Variants in GALNT13 observed in about 807,000 individuals in gnomAD.
GALNT13 encodes the protein polypeptide N-acetylgalactosaminyltransferase 13.
Under a neutral mutation model 64.2 loss-of-function variants are expected in GALNT13, and 28 were observed. The observed-to-expected ratio is 0.44, with a 90% CI of 0.32 to 0.60. The LOEUF (loss-of-function observed/expected upper bound fraction) is 0.60, where lower values mean the gene tolerates loss of function less well. Ranked by LOEUF, GALNT13 falls within the 20% of genes least tolerant of loss-of-function variation. The pLI is 0.05. For missense variants in GALNT13, 577 were observed against 669.8 expected (o/e 0.86, Z 1.53); for synonymous variants, 214 against 224.6 (o/e 0.95, Z 0.42).
chr2:154,125,908 T>G (rs976196816), intron 3 of GALNT13, among the ~76,000 whole-genome samples: 26 of 152,330 alleles, frequency 1.7e-4, no homozygotes, highest in African/African-American at 6.3e-4. Context: ...TGCCTTCATT[T>G]AATGACCTCA....
At chr2:153,652,834 T>A in the GALNT13 span, among the ~76,000 whole-genome samples, 1 of 152,184 alleles carries the variant, frequency 6.6e-6, no homozygotes, top group South Asian at 2.1e-4. Flanking sequence ...TTCAGATTAA[T>A]ACTAAATTAT....
the GALNT13 span, among the ~76,000 whole-genome samples, chr2:153,633,030 G>A: frequency 6.6e-6 from 1 of 151,952 alleles, no homozygotes; most frequent in Non-Finnish European, 1.5e-5. Context: ...CAAAGTGCTG[G>A]GATTACAGGC....
chr2:154,024,646 C>A (rs1343115510), intron 3 of GALNT13, among the ~76,000 whole-genome samples: 1 of 152,098 alleles, frequency 6.6e-6, no homozygotes, highest in Non-Finnish European at 1.5e-5. Flanking sequence ...GAATTTCCTC[C>A]TGTAGCTCGG....
At chr2:153,669,576 A>G in the GALNT13 span, among the ~76,000 whole-genome samples, 1 of 152,220 alleles carries the variant, frequency 6.6e-6, no homozygotes, top group South Asian at 2.1e-4. Context: ...ATGGCCAAAT[A>G]GGAACAGCTC....
the GALNT13 span, among the ~76,000 whole-genome samples, chr2:153,380,696 C>A: frequency 1.3e-5 from 2 of 151,934 alleles, no homozygotes; most frequent in Non-Finnish European, 2.9e-5. Context: ...AACTGAAGGT[C>A]TTGAATCTCA....
chr2:154,042,052 AATTG>A (rs1413823099), intron 3 of GALNT13, among the ~76,000 whole-genome samples: 1 of 140,710 alleles, frequency 7.1e-6, no homozygotes, highest in African/African-American at 2.4e-5. Flanking sequence ...AATGTTTTAT[AATTG>A]ATTTATAAAA....
chr2:153,354,854 A>G, the GALNT13 span, among the ~76,000 whole-genome samples: 1 of 152,214 alleles, frequency 6.6e-6, no homozygotes. Context: ...TCAAGATGCC[A>G]AAAGGTTGTT....
intron 4 of GALNT13, among the ~76,000 whole-genome samples, chr2:154,193,484 A>G (rs1243095115): frequency 6.6e-6 from 1 of 152,168 alleles, no homozygotes; most frequent in Non-Finnish European, 1.5e-5. Flanking sequence ...CGTGACCATG[A>G]CGAAACATCA....
At chr2:153,370,451 C>CA in the GALNT13 span, among the ~76,000 whole-genome samples, 1 of 152,016 alleles carries the variant, frequency 6.6e-6, no homozygotes, top group Non-Finnish European at 1.5e-5. Flanking sequence ...GCAATCTATA[C>CA]AAAAAATAAC....
chr2:153,879,536 T>G lies in GALNT13; in HGVS notation c.-177+7233T>G, dbSNP rs577738234. 2.5e-5 allele frequency among the ~76,000 whole-genome samples: 3 copies of G among 121,124 alleles called. No individual in the cohort carries two copies. The East Asian group carries it at 2.3e-3, about 94-fold the overall frequency. The allele number at this position is 121,124 out of a possible 152,430, so 79.5% of individuals were successfully genotyped here. The stretch of plus-strand genomic sequence containing the variant: ...TGTGCTGCCATGTCAGGCTAATTTT[T>G]AATTTTTTTTTTTTTTGGTAGAGAC... On this transcript the variant is annotated intron_variant, in intron 1 of 12. Transcript: ENST00000392825.
intron 4 of GALNT13, among the ~76,000 whole-genome samples, chr2:154,210,676 G>A (rs10176223): frequency 0.14 from 21,562 of 152,138 alleles, 1,542 homozygotes; most frequent in South Asian, 0.18. Flanking sequence ...AGATTGATAT[G>A]ATCATAATTT....
chr2:153,334,360 G>A, the GALNT13 span, among the ~76,000 whole-genome samples: 2 of 152,150 alleles, frequency 1.3e-5, no homozygotes, highest in African/African-American at 4.8e-5. Flanking sequence ...AATAGAGGCT[G>A]TGCTCCCAAT....
the GALNT13 span, among the ~76,000 whole-genome samples, chr2:153,284,499 G>A: frequency 6.6e-6 from 1 of 152,080 alleles, no homozygotes; most frequent in East Asian, 1.9e-4. Flanking sequence ...TCCTGATCTT[G>A]GTCCTCATTC....
the GALNT13 span, among the ~76,000 whole-genome samples, chr2:153,148,638 A>G: frequency 6.6e-6 from 1 of 151,684 alleles, no homozygotes. Context: ...GAAAGGCAAA[A>G]TTAGAAAGGG....
At chr2:154,246,050 T>C in intron 7 of GALNT13, 68 bp downstream of exon 7, 1 of 1,039,080 alleles carries the variant, frequency 9.6e-7, no homozygotes, top group South Asian at 1.8e-5. Context: ...TATAGATTTC[T>C]GTTCTAATGT....
In GALNT13 at chr2:154,452,226, G is replaced by T. The variant is rs1227041870; in HGVS notation, c.*1675G>T. Reference sequence around the variant, plus strand: ...AATTTCCTAAAATTGTAAGCAAAATGTTGAATATCAGGGCATTTTTTTTTC... The same window carrying T: ...AATTTCCTAAAATTGTAAGCAAAATTTTGAATATCAGGGCATTTTTTTTTC... On this transcript the variant is annotated 3_prime_UTR_variant, in exon 13 of 13. Coordinates refer to ENST00000392825, the MANE Select transcript of GALNT13 (RefSeq NM_052917.4). The T allele has an allele frequency of 2.0e-5, 3 of 152,020 alleles. No individual in the cohort carries two copies. The highest frequency in any genetic ancestry group is 2.9e-5 in the Non-Finnish European group (2 of 67,980). 9.4% of individuals were successfully genotyped at this position (152,020 alleles called of 1,614,324 possible).
At chr2:153,422,588 G>A in the GALNT13 span, among the ~76,000 whole-genome samples, 2 of 152,094 alleles carry the variant, frequency 1.3e-5, no homozygotes, top group African/African-American at 4.8e-5. Context: ...AGTAAAAAGT[G>A]CTCAAAGTTA....
At chr2:153,694,077 C>A in the GALNT13 span, among the ~76,000 whole-genome samples, 1 of 152,140 alleles carries the variant, frequency 6.6e-6, no homozygotes, top group East Asian at 1.9e-4. Flanking sequence ...CACTGCACTC[C>A]AGCCTGGGGA....
the GALNT13 span, among the ~76,000 whole-genome samples, chr2:153,420,411 TCTG>T: frequency 6.9e-4 from 105 of 152,318 alleles, no homozygotes; most frequent in South Asian, 0.021. Flanking sequence ...AGATCATGCT[TCTG>T]CTGATAATTC....
Sources: gnomAD v4.1 joint callset for allele counts (sites outside exome capture counted in the v4.1 genomes callset) on GRCh38, gnomAD v4.1.1 for gene constraint, MANE v1.5 for transcripts, NCBI Gene and HGNC (gene_info 2026-07-23, HGNC 2026-07-21) for gene names.